RANBP9: variants seen among roughly 807,000 people sequenced by gnomAD.
RANBP9 encodes ran-binding protein 9.
RANBP9 carries 15 observed loss-of-function variants against 84.3 expected under a neutral mutation model. The ratio of observed to expected loss-of-function variants is 0.18; its 90% CI spans 0.12 to 0.27. RANBP9 has a LOEUF of 0.27. RANBP9 is among the 10% of genes least tolerant of loss of function. The probability of loss-of-function intolerance (pLI) is 1.00; values close to 1 mark genes in which losing one functional copy is unlikely to be tolerated. For synonymous variants in RANBP9, 392 were observed against 349.6 expected (o/e 1.12, Z -1.35); for missense variants, 809 against 912.8 (o/e 0.89, Z 1.46).
chr6:13,665,632 T>A (rs1162814619), intron 2 of RANBP9, among the ~76,000 whole-genome samples: 2 of 152,046 alleles, frequency 1.3e-5, no homozygotes, highest in Non-Finnish European at 2.9e-5. Flanking sequence ...ATACCACTCA[T>A]AAGAAAAATG....
At chr6:13,695,161 A>G (rs1766411700) in intron 2 of RANBP9, among the ~76,000 whole-genome samples, 1 of 152,172 alleles carries the variant, frequency 6.6e-6, no homozygotes, top group South Asian at 2.1e-4. Flanking sequence ...GAAGCAACAG[A>G]TATCTCAAAA....
At chr6:13,646,490 C>A (rs1765176586) in intron 5 of RANBP9, among the ~76,000 whole-genome samples, 2 of 151,994 alleles carry the variant, frequency 1.3e-5, no homozygotes, top group African/African-American at 2.4e-5. Context: ...AACACAAAAG[C>A]ATATAAGCCA....
chr6:13,707,579 A>G (rs538504456), intron 1 of RANBP9, among the ~76,000 whole-genome samples: 1 of 152,220 alleles, frequency 6.6e-6, no homozygotes, highest in Non-Finnish European at 1.5e-5. Flanking sequence ...TTGTGAAAAG[A>G]ACACTAAATC....
intron 2 of RANBP9, among the ~76,000 whole-genome samples, chr6:13,693,801 G>A (rs1227468671): frequency 3.3e-5 from 5 of 152,172 alleles, no homozygotes; most frequent in Admixed American, 6.5e-5. Flanking sequence ...CCAGCACTTT[G>A]GGAGGCTGAG....
chr6:13,634,271 A>G (rs1764876389), intron 11 of RANBP9, among the ~76,000 whole-genome samples, 160 bp downstream of exon 11: 1 of 152,222 alleles, frequency 6.6e-6, no homozygotes, highest in Non-Finnish European at 1.5e-5. Context: ...CTAGCAGCCC[A>G]CTCAAACAAG....
rs751342847 is a variant in RANBP9, at chr6:13,641,330, CGAT to C, written c.1226-26_1226-24del. The C allele has an allele frequency of 6.2e-6, 9 of 1,443,762 alleles. No homozygotes were observed. The African/African-American group carries it at 1.3e-4, about 21-fold the overall frequency. The allele number at this position is 1,443,762 out of a possible 1,614,324, so 89.4% of individuals were successfully genotyped here. A position where few individuals can be genotyped will look rare whatever the true frequency, so the allele number is the denominator to read the frequency against. On this transcript the variant is annotated intron_variant, in intron 7 of 13. Transcript: ENST00000011619. ...TTCCTATTCAGTAAAAGAAAGCAAA[CGAT>C]TAACTTTTACAAAAGTAGATAAAAC...
chr6:13,701,884 C>CA, intron 1 of RANBP9, among the ~76,000 whole-genome samples: 1 of 152,280 alleles, frequency 6.6e-6, no homozygotes, highest in Admixed American at 6.5e-5. Context: ...TCACCTCTTC[C>CA]ACTATTATCA....
At chr6:13,700,511 T>C (rs1473900494) in intron 1 of RANBP9, among the ~76,000 whole-genome samples, 2 of 152,218 alleles carry the variant, frequency 1.3e-5, no homozygotes, top group Non-Finnish European at 2.9e-5. Context: ...ACTCACACTT[T>C]AAATCTTAGC....
At chr6:13,688,117 G>A (rs1766234611) in intron 2 of RANBP9, among the ~76,000 whole-genome samples, 1 of 152,198 alleles carries the variant, frequency 6.6e-6, no homozygotes, top group Non-Finnish European at 1.5e-5. Context: ...ATGTAATTTA[G>A]TCTTATGAGG....
chr6:13,652,691 A>G lies in RANBP9; in HGVS notation c.905-10T>C. ...TCAGTGAAAGCAATACCTAAAAAGA[A>G]AAAAAAAAGTGGCATTAGAAGCTGT... On this transcript the variant is annotated splice_polypyrimidine_tract_variant and intron_variant, in intron 4 of 13. Coordinates refer to ENST00000011619, the MANE Select transcript of RANBP9 (RefSeq NM_005493.3). 1 of 1,586,686 alleles carries G rather than the reference A, an allele frequency of 6.3e-7. No homozygotes were observed. The highest frequency in any genetic ancestry group is 8.6e-7 in the Non-Finnish European group (1 of 1,161,540).
chr6:13,697,532 C>T (rs1337798521), intron 1 of RANBP9, among the ~76,000 whole-genome samples: 1 of 152,110 alleles, frequency 6.6e-6, no homozygotes, highest in Non-Finnish European at 1.5e-5. Flanking sequence ...ACAGAAGTAA[C>T]ACCATGCCAC....
At chr6:13,639,834 T>G in intron 8 of RANBP9, 81 bp from the exon 9 acceptor site, 1 of 1,207,530 alleles carries the variant, frequency 8.3e-7, no homozygotes, top group Non-Finnish European at 1.1e-6. Context: ...CTAAAAATAT[T>G]TTTAAAACTT....
chr6:13,689,771 T>C (rs781529380), intron 2 of RANBP9, among the ~76,000 whole-genome samples: 3 of 152,232 alleles, frequency 2.0e-5, no homozygotes, highest in Non-Finnish European at 4.4e-5. Context: ...CTACTTCCTG[T>C]ATAAATATTT....
intron 3 of RANBP9, among the ~76,000 whole-genome samples, 177 bp downstream of exon 3, chr6:13,658,603 C>G (rs1765463854): frequency 6.6e-6 from 1 of 152,188 alleles, no homozygotes; most frequent in South Asian, 2.1e-4. Context: ...CAGTGAGACT[C>G]TGTCTCAAAA....
intron 2 of RANBP9, among the ~76,000 whole-genome samples, chr6:13,677,800 T>TA (rs1765930030): frequency 1.3e-5 from 2 of 152,122 alleles, no homozygotes; most frequent in Non-Finnish European, 2.9e-5. Context: ...AGTAGTGTTA[T>TA]AAAATCAAAC....
rs192106639 is a variant in RANBP9 at position 13,669,051 on chromosome 6, T to A, written c.684-10219A>T. 2.6e-3 allele frequency among the ~76,000 whole-genome samples: 391 copies of A among 152,050 alleles called. 2 individuals are homozygous for A. The highest frequency in any genetic ancestry group is 8.1e-3 in the African/African-American group (337 of 41,478). On this transcript the variant is annotated intron_variant, in intron 2 of 13. Coordinates refer to ENST00000011619, the MANE Select transcript of RANBP9 (RefSeq NM_005493.3). Reference sequence around the variant, plus strand: ...TTCAACAAGACTACAAGATACAAGATTAATATGCAAAAATCAGTTGTATTT... The same window carrying A: ...TTCAACAAGACTACAAGATACAAGAATAATATGCAAAAATCAGTTGTATTT...
chr6:13,624,303 G>C lies in RANBP9; in HGVS notation c.2059+1350C>G, dbSNP rs114240642. Among the ~76,000 whole-genome samples, 437 of 152,278 alleles carry C rather than the reference G, an allele frequency of 2.9e-3. 2 individuals carry two copies. The highest frequency in any genetic ancestry group is 0.01 in the African/African-American group (424 of 41,560). On this transcript the variant is annotated intron_variant, in intron 13 of 13. Transcript: ENST00000011619. The stretch of plus-strand genomic sequence containing the variant: ...TGCTTCCTTTACATTCTTGCTGTAA[G>C]AGTCCTGGCCCTCATTGCAAGTCTC...
chr6:13,690,051 T>C (rs1252473580), intron 2 of RANBP9, among the ~76,000 whole-genome samples: 1 of 152,086 alleles, frequency 6.6e-6, no homozygotes, highest in Non-Finnish European at 1.5e-5. Flanking sequence ...ACGATGTTCA[T>C]AAAAAAACAT....
In RANBP9 at chr6:13,622,541, T is replaced by TA; in HGVS notation, c.2060-50dup. On this transcript the variant is annotated intron_variant, in intron 13 of 13. Transcript: ENST00000011619. ...GAGAACAGCAATTAGCAAGACATTT[T>TA]AAAAAACATTTCAATCAGGAGAATA... 4 of 1,495,944 alleles carry TA rather than the reference T, an allele frequency of 2.7e-6. 1 individual carries two copies. In the South Asian group the frequency reaches 5.3e-5, roughly 20 times the overall value. 92.7% of individuals were successfully genotyped at this position (1,495,944 alleles called of 1,614,324 possible).
Sources: allele counts gnomAD v4.1 joint callset (sites outside exome capture counted in the v4.1 genomes callset), GRCh38; gene constraint gnomAD v4.1.1; transcripts MANE v1.5; gene names NCBI Gene and HGNC (gene_info 2026-07-23, HGNC 2026-07-21).